Variants in GRID2 observed in about 807,000 individuals in gnomAD.
GRID2 encodes the protein glutamate ionotropic receptor delta type subunit 2, also known as glutamate receptor ionotropic, delta-2.
A neutral mutation model predicts 114.8 loss-of-function variants in GRID2; 33 were observed. The ratio of observed to expected loss-of-function variants is 0.29; its 90% CI spans 0.22 to 0.38. The LOEUF is 0.38. GRID2 is among the 10% of genes least tolerant of loss of function. The pLI is 1.00. For missense variants in GRID2, 1,184 were observed against 1,257.7 expected (o/e 0.94, Z 0.89); for synonymous variants, 505 against 449.9 (o/e 1.12, Z -1.55).
At chr4:93,087,562 T>G (rs759019088) in intron 3 of GRID2, among the ~76,000 whole-genome samples, 1 of 152,164 alleles carries the variant, frequency 6.6e-6, no homozygotes, top group African/African-American at 2.4e-5. Context: ...TTGAAATTTC[T>G]TATTCTTTTC....
intron 2 of GRID2, among the ~76,000 whole-genome samples, chr4:92,648,497 A>T (rs1324218600): frequency 6.7e-6 from 1 of 149,798 alleles, no homozygotes; most frequent in African/African-American, 2.5e-5. Flanking sequence ...AGCACTTAGC[A>T]TGTATCGAGC....
intron 2 of GRID2, among the ~76,000 whole-genome samples, chr4:92,595,610 A>G (rs879612954): frequency 9.9e-5 from 15 of 152,188 alleles, no homozygotes; most frequent in South Asian, 4.1e-4. Context: ...TCTGCCTCAT[A>G]TATCTTCTAA....
rs756104940 is a variant in GRID2, at chr4:93,635,347, C to T, written c.2360+8912C>T. Among the ~76,000 whole-genome samples the T allele has an allele frequency of 3.3e-4, 50 of 149,974 alleles. 1 individual carries two copies. Among genetic ancestry groups the T allele is most frequent in the East Asian group, 7.8e-4 (4 of 5,146 alleles). On this transcript the variant is annotated intron_variant, in intron 14 of 15. Coordinates refer to ENST00000282020, the MANE Select transcript of GRID2 (RefSeq NM_001510.4). ...CTCAAAATAAAAGCAAGAAAGAGGA[C>T]ACTGAAGGTTCACTCTCAAAGGGAG... is the stretch of plus-strand genomic sequence containing the variant.
At chr4:93,350,555 A>G (rs1294077710) in intron 8 of GRID2, among the ~76,000 whole-genome samples, 3 of 152,054 alleles carry the variant, frequency 2.0e-5, no homozygotes, top group African/African-American at 7.2e-5. Context: ...TGAGAAGTAG[A>G]TAGTACAAGG....
intron 2 of GRID2, among the ~76,000 whole-genome samples, chr4:93,042,951 G>A (rs1725743342): frequency 6.6e-6 from 1 of 151,512 alleles, no homozygotes; most frequent in Non-Finnish European, 1.5e-5. Flanking sequence ...AGATTATGAG[G>A]GCCTATACTT....
intron 14 of GRID2, among the ~76,000 whole-genome samples, chr4:93,767,837 A>G (rs1176121112): frequency 1.3e-5 from 2 of 152,256 alleles, no homozygotes; most frequent in Non-Finnish European, 2.9e-5. Flanking sequence ...CTTGGGCAAG[A>G]GTACAAATAT....
chr4:93,014,438 G>A (rs1024975220), intron 2 of GRID2, among the ~76,000 whole-genome samples: 8 of 151,982 alleles, frequency 5.3e-5, no homozygotes, highest in African/African-American at 1.9e-4. Flanking sequence ...AGTTTGCTGG[G>A]GCTGGAACTA....
At chr4:93,400,059 A>C (rs1284802774) in intron 9 of GRID2, among the ~76,000 whole-genome samples, 2 of 152,186 alleles carry the variant, frequency 1.3e-5, no homozygotes, top group Non-Finnish European at 2.9e-5. Flanking sequence ...TTCTGCCTCC[A>C]TATAGCTAGC....
chr4:93,149,852 C>T (rs1365194554), intron 4 of GRID2, among the ~76,000 whole-genome samples: 1 of 151,894 alleles, frequency 6.6e-6, no homozygotes, highest in Admixed American at 6.6e-5. Flanking sequence ...CCAGGCCGGT[C>T]TTGAACTCCT....
At chr4:92,911,276 G>A (rs1748359200) in intron 2 of GRID2, among the ~76,000 whole-genome samples, 1 of 151,892 alleles carries the variant, frequency 6.6e-6, no homozygotes, top group Non-Finnish European at 1.5e-5. Flanking sequence ...AATAAAAATG[G>A]TATATTTTCA....
intron 2 of GRID2, among the ~76,000 whole-genome samples, chr4:92,600,040 GTGTGTATATATATATATA>G (rs1177272585): frequency 2.3e-4 from 16 of 70,724 alleles, no homozygotes; most frequent in African/African-American, 7.9e-4. Flanking sequence ...GTGTGTGTGT[GTGTGTATATATATATATA>G]TATATATATA....
At position 92,890,203 on chromosome 4, in the gene GRID2, TG is replaced by T. The variant is rs1422479036; in HGVS notation, c.245-194789del. ...GGCAATATCATTCAGGACGTAGGTG[TG>T]GGCAAAGATTTCATGACAAAAACAT... is the stretch of plus-strand genomic sequence containing the variant. On this transcript the variant is annotated intron_variant, in intron 2 of 15. Transcript: ENST00000282020. Among the ~76,000 whole-genome samples the T allele has an allele frequency of 7.9e-5, 12 of 152,142 alleles. 1 individual carries two copies. Among genetic ancestry groups the T allele is most frequent in the African/African-American group, 2.9e-4 (12 of 41,438 alleles).
chr4:93,787,367 A>G (rs1342620000), intron 1 of GRID2, among the ~76,000 whole-genome samples: 1 of 152,172 alleles, frequency 6.6e-6, no homozygotes, highest in Non-Finnish European at 1.5e-5. Flanking sequence ...GAAATGAAAT[A>G]AAAAGCACAT....
At chr4:93,524,305 C>T (rs923789038) in intron 13 of GRID2, among the ~76,000 whole-genome samples, 1 of 152,046 alleles carries the variant, frequency 6.6e-6, no homozygotes, top group Admixed American at 6.5e-5. Context: ...CCAACAAATA[C>T]ATGATTCACT....
chr4:92,506,772 A>C (rs576111011), intron 1 of GRID2, among the ~76,000 whole-genome samples: 23 of 151,908 alleles, frequency 1.5e-4, no homozygotes, highest in African/African-American at 5.3e-4. Flanking sequence ...ATATACATTC[A>C]CCTCCTTTGA....
At chr4:92,841,388 A>ATATGC (rs1400774217) in intron 2 of GRID2, among the ~76,000 whole-genome samples, 5 of 152,092 alleles carry the variant, frequency 3.3e-5, no homozygotes, top group African/African-American at 1.2e-4. Context: ...ATAATTTTAC[A>ATATGC]TATGCAGAAG....
chr4:93,610,799 G>T (rs1740798800), intron 13 of GRID2, among the ~76,000 whole-genome samples: 1 of 98,712 alleles, frequency 1.0e-5, no homozygotes, highest in Non-Finnish European at 2.0e-5. Context: ...TCTCTGCCCG[G>T]CTTTGGTATC....
chr4:92,352,035 G>A (rs1053116415), intron 1 of GRID2, among the ~76,000 whole-genome samples: 5 of 151,816 alleles, frequency 3.3e-5, no homozygotes, highest in African/African-American at 4.8e-5. Flanking sequence ...TGGGATTGCC[G>A]GATCATATGG....
At chr4:92,628,256 C>G (rs1288131926) in intron 2 of GRID2, among the ~76,000 whole-genome samples, 1 of 152,122 alleles carries the variant, frequency 6.6e-6, no homozygotes, top group East Asian at 1.9e-4. Context: ...CACTTATTTT[C>G]TCCAGAGAGC....
Sources: gnomAD v4.1 joint callset for allele counts (sites outside exome capture counted in the v4.1 genomes callset) on GRCh38, gnomAD v4.1.1 for gene constraint, MANE v1.5 for transcripts, NCBI Gene and HGNC (gene_info 2026-07-23, HGNC 2026-07-21) for gene names.